Variants in ADAM2 observed in about 807,000 individuals in gnomAD.
The protein encoded by ADAM2 is disintegrin and metalloproteinase domain-containing protein 2.
Under a neutral mutation model 99.3 loss-of-function variants are expected in ADAM2, and 101 were observed. The observed-to-expected ratio is 1.02, with a 90% CI of 0.87 to 1.20. The LOEUF (loss-of-function observed/expected upper bound fraction) is 1.20. ADAM2 is among the 50% of genes most tolerant of loss of function. ADAM2 has a pLI of 0.00. For synonymous variants in ADAM2, 323 were observed against 287.6 expected, an observed-to-expected ratio of 1.12 and a Z score of -1.25; for missense variants, 948 against 878.7, an observed-to-expected ratio of 1.08 and a Z score of -1.00.
chr8:39,783,101 T>G (rs1001742604), intron 10 of ADAM2, among the ~76,000 whole-genome samples: 1 of 152,174 alleles, frequency 6.6e-6, no homozygotes, highest in Non-Finnish European at 1.5e-5. Flanking sequence ...AGTTATCTCA[T>G]TATTTTATTT....
At chr8:39,818,240 G>A (rs1367938176) in intron 6 of ADAM2, 1 of 152,140 alleles carries the variant, frequency 6.6e-6, no homozygotes, top group Middle Eastern at 3.4e-3. Context: ...ATAACAAAGA[G>A]AGACTGGATA....
chr8:39,757,035 A>G (rs1038367840), intron 15 of ADAM2, among the ~76,000 whole-genome samples: 1 of 152,214 alleles, frequency 6.6e-6, no homozygotes, highest in Non-Finnish European at 1.5e-5. Flanking sequence ...CTCTTCATAT[A>G]TAAGATTAAG....
intron 7 of ADAM2, among the ~76,000 whole-genome samples, chr8:39,805,129 C>A (rs923347852): frequency 6.6e-6 from 1 of 152,106 alleles, no homozygotes; most frequent in African/African-American, 2.4e-5. Context: ...GGCAAACAAA[C>A]CTTTTTAGAC....
chr8:39,750,934 A>AT (rs1801910889), intron 16 of ADAM2, among the ~76,000 whole-genome samples: 1 of 152,156 alleles, frequency 6.6e-6, no homozygotes, highest in Non-Finnish European at 1.5e-5. Flanking sequence ...AATTAGAAAT[A>AT]TTTTTTATTT....
At chr8:39,834,517 G>A (rs1477384606) in intron 2 of ADAM2, among the ~76,000 whole-genome samples, 2 of 151,908 alleles carry the variant, frequency 1.3e-5, no homozygotes, top group African/African-American at 2.4e-5. Flanking sequence ...GGCGGATCAT[G>A]AGGTCAAGAT....
At chr8:39,829,505 A>G (rs557805468) in intron 3 of ADAM2, among the ~76,000 whole-genome samples, 61 of 152,120 alleles carry the variant, frequency 4.0e-4, no homozygotes, top group African/African-American at 1.5e-3. Flanking sequence ...ACAGTAGGAC[A>G]TAAGTATATA....
rs144580377 is a variant in ADAM2, at chr8:39,755,013, C to T, written c.1797+715G>A. ...ATTAAGTTATTACATCTCAGATATG[C>T]GACTGGATTGATTTTTTTCTTTATT... On this transcript the variant is annotated intron_variant, in intron 16 of 20. Coordinates refer to ENST00000265708, the MANE Select transcript of ADAM2 (RefSeq NM_001464.5). 2.6e-3 allele frequency among the ~76,000 whole-genome samples: 390 copies of T among 152,102 alleles called. 1 individual carries two copies. Among genetic ancestry groups the T allele is most frequent in the Non-Finnish European group, 4.3e-3 (292 of 67,990 alleles).
intron 10 of ADAM2, among the ~76,000 whole-genome samples, chr8:39,785,101 G>A (rs1803407395): frequency 6.6e-6 from 1 of 152,132 alleles, no homozygotes; most frequent in African/African-American, 2.4e-5. Flanking sequence ...TGTTTTTGAG[G>A]ACTTAGTCAT....
intron 7 of ADAM2, among the ~76,000 whole-genome samples, chr8:39,805,969 T>C (rs1469415232): frequency 2.6e-5 from 4 of 152,104 alleles, no homozygotes; most frequent in Admixed American, 6.5e-5. Flanking sequence ...TCCATATATA[T>C]ATGAAGTAGC....
At chr8:39,800,569 C>T (rs1426551715) in intron 7 of ADAM2, among the ~76,000 whole-genome samples, 1 of 152,122 alleles carries the variant, frequency 6.6e-6, no homozygotes, top group Non-Finnish European at 1.5e-5. Context: ...TGCATGTTGG[C>T]CTGTCTTCCT....
At chr8:39,788,024 T>C in intron 9 of ADAM2, 61 bp downstream of exon 9, 3 of 1,129,568 alleles carry the variant, frequency 2.7e-6, no homozygotes, top group East Asian at 2.8e-5. Flanking sequence ...CAGTAAGATA[T>C]TCGGTCAAAT....
At position 39,767,263 on chromosome 8, in the gene ADAM2, A is replaced by T; in HGVS notation, c.1213-12T>A. On this transcript the variant is annotated splice_polypyrimidine_tract_variant and intron_variant, in intron 12 of 20. Transcript: ENST00000265708. ...ATAAGGGCACAATCCTGTAAGGCAA[A>T]TCAAATGCTCTGAAGTATTTTCCAA... 1 of 1,586,958 alleles carries T rather than the reference A, an allele frequency of 6.3e-7. No homozygotes were observed. Among genetic ancestry groups the T allele is most frequent in the Non-Finnish European group, 8.6e-7 (1 of 1,163,712 alleles).
intron 15 of ADAM2, among the ~76,000 whole-genome samples, chr8:39,759,472 G>A (rs1207042760): frequency 6.6e-6 from 1 of 152,112 alleles, no homozygotes; most frequent in African/African-American, 2.4e-5. Context: ...AAGGAAAATA[G>A]CCTAAAATTA....
intron 7 of ADAM2, among the ~76,000 whole-genome samples, chr8:39,804,971 G>A (rs1804377575): frequency 6.6e-6 from 1 of 152,094 alleles, no homozygotes; most frequent in East Asian, 1.9e-4. Flanking sequence ...AATATCACAA[G>A]CTGAGTAGCT....
intron 7 of ADAM2, among the ~76,000 whole-genome samples, chr8:39,803,354 A>G (rs1005474460): frequency 6.6e-6 from 1 of 152,184 alleles, no homozygotes; most frequent in Non-Finnish European, 1.5e-5. Flanking sequence ...TTCAAGGAAA[A>G]CATGATAGCC....
At chr8:39,820,337 C>T (rs1805124624) in intron 6 of ADAM2, among the ~76,000 whole-genome samples, 1 of 152,010 alleles carries the variant, frequency 6.6e-6, no homozygotes, top group Non-Finnish European at 1.5e-5. Context: ...AAAACCAAAC[C>T]CAGAATCTTA....
At chr8:39,829,771 T>C (rs1805544457) in intron 3 of ADAM2, among the ~76,000 whole-genome samples, 1 of 152,000 alleles carries the variant, frequency 6.6e-6, no homozygotes, top group African/African-American at 2.4e-5. Flanking sequence ...TGTATAATCA[T>C]GAAATTGGAT....
chr8:39,764,935 A>T (rs961165078), intron 14 of ADAM2, among the ~76,000 whole-genome samples: 27 of 152,080 alleles, frequency 1.8e-4, no homozygotes, highest in Admixed American at 1.3e-4. Flanking sequence ...AGGCAGGAGA[A>T]TCACTGGAAC....
intron 18 of ADAM2, 70 bp downstream of exon 18, chr8:39,749,239 ATAT>A: frequency 7.3e-7 from 1 of 1,362,046 alleles, no homozygotes. Flanking sequence ...GGTAGACAAA[ATAT>A]TATTTGTTAT....
Sources: gnomAD v4.1 joint callset for allele counts (sites outside exome capture counted in the v4.1 genomes callset) on GRCh38, gnomAD v4.1.1 for gene constraint, MANE v1.5 for transcripts, NCBI Gene and HGNC (gene_info 2026-07-23, HGNC 2026-07-21) for gene names.